Variants in RAI1 observed in about 807,000 individuals in gnomAD.
RAI1 encodes the protein retinoic acid-induced protein 1.
RAI1 carries 9 observed loss-of-function variants against 123.8 expected under a neutral mutation model. That is an observed-to-expected ratio of 0.07 (90% CI 0.04 to 0.13). RAI1 has a LOEUF of 0.13. Ranked by LOEUF, RAI1 falls within the 10% of genes least tolerant of loss-of-function variation. RAI1 has a pLI of 1.00. For synonymous variants in RAI1, 1,231 were observed against 1,127.3 expected (o/e 1.09, Z -1.84); for missense variants, 2,256 against 2,545.8 (o/e 0.89, Z 2.45).
intron 2 of RAI1, among the ~76,000 whole-genome samples, chr17:17,756,003 C>T (rs765592874): frequency 3.3e-5 from 5 of 152,212 alleles, no homozygotes; most frequent in East Asian, 1.9e-4. Flanking sequence ...CCAGTCCTTA[C>T]GTGAGCCCTA....
In RAI1 at chr17:17,799,006, C is replaced by G. The variant is rs2032367861; in HGVS notation, c.5565+493C>G. 6.6e-6 allele frequency among the ~76,000 whole-genome samples: 1 copy of G among 152,192 alleles called. No homozygotes were observed. ...CCTCTCTGGCGACACAGGCTTGGTG[C>G]ATGGACCCAGTCACAGGGTTCCTCC... is the stretch of plus-strand genomic sequence containing the variant. On this transcript the variant is annotated intron_variant, in intron 3 of 5. Coordinates refer to ENST00000353383, the MANE Select transcript of RAI1 (RefSeq NM_030665.4). The surrounding 1 kb of genome is among the most constrained non-coding windows in gnomAD (Gnocchi z 4.5).
intron 2 of RAI1, among the ~76,000 whole-genome samples, chr17:17,787,424 G>C (rs563862450): frequency 6.6e-6 from 1 of 152,350 alleles, no homozygotes; most frequent in Admixed American, 6.5e-5. Context: ...CAGAGAGGTG[G>C]TGACGCTTTT....
intron 2 of RAI1, among the ~76,000 whole-genome samples, chr17:17,745,996 C>T (rs1056178089): frequency 6.6e-6 from 1 of 152,186 alleles, no homozygotes; most frequent in Non-Finnish European, 1.5e-5. Flanking sequence ...CCCACATGAG[C>T]GTTGTGGAGT....
In RAI1 at chr17:17,796,187, C is replaced by A. The variant is rs752124907; in HGVS notation, c.3239C>A (p.Pro1080His). Residue 1080 changes from proline to histidine, a missense_variant, in exon 3 of 6, where the codon CCC (proline) becomes CAC (histidine). By Grantham distance (77) the Pro-to-His change is moderately conservative. Transcript: ENST00000353383. This position sits in a 1 kb window ranked among gnomAD's most constrained non-coding sequence, Gnocchi z 5.8. ...CCAGGCCTGACCACCACCCCTGCAC[C>A]CCCAGACAAACTGGGGGGCAAGCAG... Reference protein sequence around the residue: ...GPPGLTTTPAPPDKLGGKQRA... With the variant: ...GPPGLTTTPAHPDKLGGKQRA... 3 of 1,554,618 alleles carry A rather than the reference C, an allele frequency of 1.9e-6. No homozygotes were observed. The highest frequency in any genetic ancestry group is 1.7e-6 in the Non-Finnish European group (2 of 1,149,744).
At chr17:17,707,414 A>G (rs922548138) in intron 1 of RAI1, among the ~76,000 whole-genome samples, 5 of 152,196 alleles carry the variant, frequency 3.3e-5, no homozygotes, top group African/African-American at 1.2e-4. Flanking sequence ...TGAGAAGGTG[A>G]CAGGTGAGCA....
chr17:17,742,386 G>A (rs925697666), intron 2 of RAI1, among the ~76,000 whole-genome samples: 2 of 152,212 alleles, frequency 1.3e-5, no homozygotes, highest in African/African-American at 4.8e-5. Context: ...GAGGTAGCAG[G>A]CAAGTTGCTC....
intron 2 of RAI1, among the ~76,000 whole-genome samples, chr17:17,784,359 A>G (rs1217844012): frequency 6.6e-6 from 1 of 152,178 alleles, no homozygotes; most frequent in African/African-American, 2.4e-5. Context: ...GGCACATTCC[A>G]CGACTCCTCT....
chr17:17,753,643 C>G (rs1342527485), intron 2 of RAI1, among the ~76,000 whole-genome samples: 1 of 152,228 alleles, frequency 6.6e-6, no homozygotes, highest in Admixed American at 6.5e-5. Flanking sequence ...TTCCTGGGCT[C>G]AGGCCACCCT....
chr17:17,739,265 A>G (rs1006679337), intron 2 of RAI1, among the ~76,000 whole-genome samples: 7 of 152,112 alleles, frequency 4.6e-5, no homozygotes, highest in African/African-American at 9.7e-5. Flanking sequence ...CTCACAGCCT[A>G]TTCTTGGTGG....
chr17:17,800,221 T>G lies in RAI1; in HGVS notation c.5565+1708T>G, dbSNP rs1048969971. On this transcript the variant is annotated intron_variant, in intron 3 of 5. Coordinates refer to ENST00000353383, the MANE Select transcript of RAI1 (RefSeq NM_030665.4). The surrounding 1 kb of genome is among the most constrained non-coding windows in gnomAD (Gnocchi z 4.7). ...CTCTCTCTCTCTCTCTCTCTCTCTC[T>G]CTCTCTCATTACTGGCTCCTTCCCA... Among the ~76,000 whole-genome samples, 1 of 145,224 alleles carries G rather than the reference T, an allele frequency of 6.9e-6. No homozygotes were observed. The highest frequency in any genetic ancestry group is 2.6e-5 in the African/African-American group (1 of 38,266).
chr17:17,784,959 A>G (rs2031771932), intron 2 of RAI1, among the ~76,000 whole-genome samples: 2 of 152,022 alleles, frequency 1.3e-5, no homozygotes, highest in African/African-American at 4.8e-5. Flanking sequence ...CCTTCCCCAC[A>G]TAGTTAAGCC....
intron 2 of RAI1, among the ~76,000 whole-genome samples, chr17:17,782,431 C>T (rs1308336755): frequency 6.6e-6 from 1 of 151,720 alleles, no homozygotes; most frequent in Non-Finnish European, 1.5e-5. Context: ...GGGTGCCCGC[C>T]TGCGCGCCGC....
chr17:17,796,821 G>A lies in RAI1; in HGVS notation c.3873G>A (p.Lys1291=), dbSNP rs1339767293. ...PTKGNGEPAT[K]LPPPETPDAC... ...AGGGCAATGGCGAGCCTGCCACAAA[G>A]CTCCCACCCCCGGAGACCCCCGATG... Residue 1291 remains lysine (K), a synonymous_variant, in exon 3 of 6, where the codon AAG becomes AAA. Coordinates refer to ENST00000353383, the MANE Select transcript of RAI1 (RefSeq NM_030665.4). The surrounding 1 kb of genome is among the most constrained non-coding windows in gnomAD (Gnocchi z 5.8). The A allele has an allele frequency of 6.2e-7, 1 of 1,610,720 alleles. No homozygotes were observed. Among genetic ancestry groups the A allele is most frequent in the South Asian group, 1.1e-5 (1 of 91,006 alleles).
intron 2 of RAI1, among the ~76,000 whole-genome samples, chr17:17,774,534 C>T (rs1598069975): frequency 6.6e-6 from 1 of 152,260 alleles, no homozygotes; most frequent in East Asian, 1.9e-4. Flanking sequence ...CTGGCCACTG[C>T]CCCGCCAGGC....
chr17:17,733,471 A>G (rs1312809628), intron 2 of RAI1, among the ~76,000 whole-genome samples: 2 of 152,170 alleles, frequency 1.3e-5, no homozygotes, highest in African/African-American at 2.4e-5. Flanking sequence ...GTTCTATAAG[A>G]TGATTCATTC....
rs2032226724 is a variant in RAI1 at position 17,795,979 on chromosome 17, G to A, written c.3031G>A (p.Glu1011Lys). The A allele has an allele frequency of 1.2e-6, 2 of 1,601,184 alleles. No individual in the cohort carries two copies. Among genetic ancestry groups the A allele is most frequent in the Non-Finnish European group, 1.7e-6 (2 of 1,176,070 alleles). ...RRVHRGLPEA[E>K]DSPCRAPVLP... is the part of the protein sequence containing the mutation. ...GGTGCACCGGGGGCTGCCCGAGGCC[G>A]AGGACTCCCCATGCAGGGCACCAGT... The change falls in exon 3 of 6, where the codon GAG (glutamate) becomes AAG (lysine). Residue 1011 changes from glutamate to lysine, a missense_variant. By Grantham distance (56) the Glu-to-Lys change is moderately conservative (BLOSUM62 1). Coordinates refer to ENST00000353383, the MANE Select transcript of RAI1 (RefSeq NM_030665.4). This position sits in a 1 kb window ranked among gnomAD's most constrained non-coding sequence, Gnocchi z 5.9.
Position 17,811,005 on chromosome 17 carries a change from A to G in RAI1, c.*1024A>G, listed in dbSNP as rs1446674888. ...GTCGTGCGCCCGCAACAGAGCCCCA[A>G]CCGGGCCTTTGCCGGGTAAGGGGCT... On this transcript the variant is annotated 3_prime_UTR_variant, in exon 6 of 6. Transcript: ENST00000353383. 6.4e-6 allele frequency: 2 copies of G among 313,096 alleles called. No homozygotes were observed. Among genetic ancestry groups the G allele is most frequent in the Non-Finnish European group, 1.3e-5 (2 of 155,758 alleles). 19.4% of individuals were successfully genotyped at this position (313,096 alleles called of 1,614,324 possible).
intron 1 of RAI1, among the ~76,000 whole-genome samples, chr17:17,687,303 G>T (rs998715127): frequency 6.6e-6 from 1 of 152,176 alleles, no homozygotes; most frequent in Non-Finnish European, 1.5e-5. Context: ...AGCCAGGACT[G>T]CTGGGGAGTC....
rs1003326716 is a variant in RAI1 at position 17,810,583 on chromosome 17, C to G, written c.*602C>G. On this transcript the variant is annotated 3_prime_UTR_variant, in exon 6 of 6. Transcript: ENST00000353383. The surrounding 1 kb of genome is among the most constrained non-coding windows in gnomAD (Gnocchi z 4.6). ...TGGAACAAACCGTGCGGAACGCGTC[C>G]AGGGGCCTTCCCGCCCAGCCTTTGC... The G allele has an allele frequency of 3.0e-5, 10 of 331,528 alleles. No homozygotes were observed. Among genetic ancestry groups the G allele is most frequent in the Non-Finnish European group, 1.2e-5 (2 of 166,026 alleles). 20.5% of individuals were successfully genotyped at this position (331,528 alleles called of 1,614,324 possible).
Sources: allele counts gnomAD v4.1 joint callset (sites outside exome capture counted in the v4.1 genomes callset), GRCh38; gene constraint gnomAD v4.1.1; non-coding constraint Gnocchi (gnomAD v3.1); transcripts MANE v1.5; gene names NCBI Gene and HGNC (gene_info 2026-07-23, HGNC 2026-07-21).